Variants in ADCK5 observed in about 807,000 individuals in gnomAD.
The protein encoded by ADCK5 is aarF domain containing kinase 5, also known as uncharacterized aarF domain-containing protein kinase 5.
A neutral mutation model predicts 64.9 loss-of-function variants in ADCK5; 43 were observed. The ratio of observed to expected loss-of-function variants is 0.66; its 90% CI spans 0.52 to 0.85. The LOEUF is 0.85. Among genes scored for constraint, ADCK5 ranks in the 40% least tolerant of loss-of-function variants. ADCK5 has a pLI of 0.00. For missense variants in ADCK5, 760 were observed against 810.5 expected (o/e 0.94, Z 0.76); for synonymous variants, 434 against 342.8 (o/e 1.27, Z -2.94).
chr8:144,385,329 G>A (rs1819868598), intron 3 of ADCK5, among the ~76,000 whole-genome samples: 2 of 151,634 alleles, frequency 1.3e-5, no homozygotes, highest in Non-Finnish European at 2.9e-5. Flanking sequence ...GATTTCGGGT[G>A]TGTGGCACCA....
At position 144,377,828 on chromosome 8, in the gene ADCK5, G is replaced by A. The variant is rs1008511736; in HGVS notation, c.13-1559G>A. Among the ~76,000 whole-genome samples, 10 of 152,338 alleles carry A rather than the reference G, an allele frequency of 6.6e-5. No individual in the cohort carries two copies. The East Asian group carries it at 1.5e-3, about 23-fold the overall frequency. On this transcript the variant is annotated intron_variant, in intron 1 of 14. Transcript: ENST00000308860. ...CCGGGCGTCCACCTTCAAGGTTGGC[G>A]TCTGCTGTATGATTCCATGGCTGGG...
In ADCK5 at chr8:144,383,093, C is replaced by G. The variant is rs1554858614; in HGVS notation, c.129C>G (p.Pro43=). 1 of 1,588,252 alleles carries G rather than the reference C, an allele frequency of 6.3e-7. No individual in the cohort carries two copies. The highest frequency in any genetic ancestry group is 8.6e-7 in the Non-Finnish European group (1 of 1,167,474). ...VRGLPPRFSS[P]TPLWRKVLST... is the part of the protein sequence containing the mutation. Reference sequence around the variant, plus strand: ...TGTCTCTCCTCAGGTTCTCCAGCCCCACACCCCTGTGGAGGAAGGTGCTCT... The same window carrying G: ...TGTCTCTCCTCAGGTTCTCCAGCCCGACACCCCTGTGGAGGAAGGTGCTCT... Residue 43 remains proline (P), a synonymous_variant, in exon 3 of 15, where the codon CCC becomes CCG. Transcript: ENST00000308860.
intron 2 of ADCK5, among the ~76,000 whole-genome samples, chr8:144,382,411 C>T (rs553218125): frequency 6.2e-4 from 94 of 152,314 alleles, no homozygotes; most frequent in Admixed American, 2.2e-3. Flanking sequence ...CTGTATTCAG[C>T]GAGTATTGGG....
intron 3 of ADCK5, among the ~76,000 whole-genome samples, chr8:144,388,821 C>T (rs1167005315): frequency 2.6e-5 from 4 of 152,036 alleles, no homozygotes; most frequent in Non-Finnish European, 5.9e-5. Flanking sequence ...ACTCCAGATG[C>T]TCTACGGGGG....
In ADCK5 at chr8:144,383,043, G is replaced by T. The variant is rs199589796; in HGVS notation, c.117-38G>T. The T allele has an allele frequency of 2.7e-3, 4,183 of 1,568,336 alleles. 8 individuals are homozygous for T. Among genetic ancestry groups the T allele is most frequent in the Non-Finnish European group, 3.3e-3 (3,786 of 1,156,842 alleles). On this transcript the variant is annotated intron_variant, in intron 2 of 14. Coordinates refer to ENST00000308860, the MANE Select transcript of ADCK5 (RefSeq NM_174922.5). The stretch of plus-strand genomic sequence containing the variant: ...CAGAGATCAGAGCCCAGCTGAATGT[G>T]GGGGGCGGCGCCTCCAGGCTGCATT...
intron 3 of ADCK5, among the ~76,000 whole-genome samples, chr8:144,390,082 C>T (rs1043407777): frequency 3.9e-5 from 6 of 152,148 alleles, no homozygotes; most frequent in African/African-American, 7.2e-5. Context: ...CCACTCACCT[C>T]GGCCTCCCAA....
At position 144,391,878 on chromosome 8, in the gene ADCK5, G is replaced by T. The variant is rs1554860803; in HGVS notation, c.1014+12G>T. On this transcript the variant is annotated intron_variant, in intron 9 of 14. Coordinates refer to ENST00000308860, the MANE Select transcript of ADCK5 (RefSeq NM_174922.5). The stretch of plus-strand genomic sequence containing the variant: ...TGGCAGTGCATGACGTGAGTGCGGG[G>T]GGGCGGGGGCGGGTCAGGGCGGGCT... The T allele has an allele frequency of 1.3e-6, 2 of 1,595,350 alleles. No homozygotes were observed. Among genetic ancestry groups the T allele is most frequent in the East Asian group, 2.3e-5 (1 of 44,320 alleles).
chr8:144,383,529 G>T (rs977835019), intron 3 of ADCK5, among the ~76,000 whole-genome samples: 2 of 152,148 alleles, frequency 1.3e-5, no homozygotes, highest in African/African-American at 2.4e-5. Context: ...GTGGGGAGGC[G>T]CTCCAGCCCT....
At chr8:144,388,948 A>G (rs1337182608) in intron 3 of ADCK5, among the ~76,000 whole-genome samples, 1 of 152,174 alleles carries the variant, frequency 6.6e-6, no homozygotes, top group African/African-American at 2.4e-5. Flanking sequence ...CCAGGCAGGT[A>G]CGTGAGCTTC....
At chr8:144,382,493 GAGTATTGGGCTCCTGCTGTATTCAGCA>G (rs1406780218) in intron 2 of ADCK5, among the ~76,000 whole-genome samples, 3 of 152,174 alleles carry the variant, frequency 2.0e-5, no homozygotes, top group Non-Finnish European at 4.4e-5. Context: ...TGTATTCAGG[GAGTATTGGGCTCCTGCTGTATTCAGCA>G]AGTATTGGGC....
chr8:144,392,183 G>A lies in ADCK5; in HGVS notation c.1175+13G>A, dbSNP rs782418809. 2 of 1,553,148 alleles carry A rather than the reference G, an allele frequency of 1.3e-6. No homozygotes were observed. The highest frequency in any genetic ancestry group is 2.4e-5 in the East Asian group (1 of 41,506). On this transcript the variant is annotated intron_variant, in intron 11 of 14. Transcript: ENST00000308860. The stretch of plus-strand genomic sequence containing the variant: ...TCCTGGAGGAGAAGTGAGCGCGGGT[G>A]GGTGGGCGTGGGGCAGGGCAAGCCT...
At chr8:144,381,567 G>C (rs1406385233) in intron 2 of ADCK5, among the ~76,000 whole-genome samples, 6 of 147,962 alleles carry the variant, frequency 4.1e-5, no homozygotes, top group African/African-American at 1.5e-4. Flanking sequence ...GGCACCTGCC[G>C]CACTCAGGAT....
In ADCK5 at chr8:144,391,931, C is replaced by T; in HGVS notation, c.1015-10C>T. On this transcript the variant is annotated splice_polypyrimidine_tract_variant and intron_variant, in intron 9 of 14. Transcript: ENST00000308860. ...TGCTGTGTCCACTGCAATGCCTCTC[C>T]TCTCCCCAGATAGCAGAAAAGCTCA... 1.9e-6 allele frequency: 3 copies of T among 1,612,460 alleles called. No homozygotes were observed. The highest frequency in any genetic ancestry group is 2.2e-5 in the East Asian group (1 of 44,872).
rs1399743171 is a variant in ADCK5 at position 144,384,731 on chromosome 8, CTG to C, written c.266+1505_266+1506del. ...TCACCCTCTATTTCATGGCATGCAG[CTG>C]TGTCTGGTGTCCACCTCCTCGGCCA... On this transcript the variant is annotated intron_variant, in intron 3 of 14. Transcript: ENST00000308860. This position sits in a 1 kb window ranked among gnomAD's most constrained non-coding sequence, Gnocchi z 5.7. Among the ~76,000 whole-genome samples, 1 of 152,316 alleles carries C rather than the reference CTG, an allele frequency of 6.6e-6. No individual in the cohort carries two copies.
Position 144,393,196 on chromosome 8 carries a change from G to A in ADCK5, c.*122G>A. On this transcript the variant is annotated 3_prime_UTR_variant, in exon 15 of 15. Coordinates refer to ENST00000308860, the MANE Select transcript of ADCK5 (RefSeq NM_174922.5). The stretch of plus-strand genomic sequence containing the variant: ...GCACTGGGGGGCTGTGACAGCAGCT[G>A]GGCCAGGAGGCCGTGTAATGACCAC... 2 of 1,348,754 alleles carry A rather than the reference G, an allele frequency of 1.5e-6. No homozygotes were observed. Among genetic ancestry groups the A allele is most frequent in the Non-Finnish European group, 2.0e-6 (2 of 1,007,672 alleles). 83.5% of individuals were successfully genotyped at this position (1,348,754 alleles called of 1,614,324 possible).
chr8:144,388,552 C>G (rs1177969824), intron 3 of ADCK5, among the ~76,000 whole-genome samples: 2 of 151,958 alleles, frequency 1.3e-5, no homozygotes, highest in African/African-American at 2.4e-5. Context: ...ATCACGAGGT[C>G]GGGAGATCGA....
chr8:144,375,337 C>G (rs782529876), intron 1 of ADCK5: 1 of 572,094 alleles, frequency 1.7e-6, no homozygotes, highest in Non-Finnish European at 2.2e-6. Context: ...GACCCACTTA[C>G]CCTGCCCAGA....
rs571914680 is a variant in ADCK5, at chr8:144,376,954, T to C, written c.13-2433T>C. 2.6e-5 allele frequency among the ~76,000 whole-genome samples: 4 copies of C among 152,214 alleles called. No homozygotes were observed. Among genetic ancestry groups the C allele is most frequent in the Non-Finnish European group, 4.4e-5 (3 of 68,042 alleles). On this transcript the variant is annotated intron_variant, in intron 1 of 14. Coordinates refer to ENST00000308860, the MANE Select transcript of ADCK5 (RefSeq NM_174922.5). The surrounding 1 kb of genome is among the most constrained non-coding windows in gnomAD (Gnocchi z 5.1). ...CAACCCGCCCTCTAGGGATAAGAGG[T>C]CATGGACTTTTCCCTTTGGCTTTCA...
chr8:144,383,006 G>A (rs1819746768), intron 2 of ADCK5, 75 bp from the exon 3 acceptor site: 3 of 1,539,274 alleles, frequency 1.9e-6, no homozygotes, highest in African/African-American at 1.4e-5. Context: ...GTGGTGCTGG[G>A]GGAGGTGGGG....
Sources: gnomAD v4.1 joint callset for allele counts (sites outside exome capture counted in the v4.1 genomes callset) on GRCh38, gnomAD v4.1.1 for gene constraint, Gnocchi (gnomAD v3.1) non-coding constraint, MANE v1.5 for transcripts, NCBI Gene and HGNC (gene_info 2026-07-23, HGNC 2026-07-21) for gene names.